The following AIG1 variants were observed in gnomAD, a reference collection of about 807,000 sequenced individuals.
The protein encoded by AIG1 is androgen induced 1.
A neutral mutation model predicts 31.4 loss-of-function variants in AIG1; 23 were observed. The observed-to-expected ratio is 0.73, with a 90% CI of 0.53 to 1.04. The LOEUF (loss-of-function observed/expected upper bound fraction) is 1.04. Among genes scored for constraint, AIG1 ranks in the 50% least tolerant of loss-of-function variants. The probability of loss-of-function intolerance (pLI) is 0.00; values close to 1 mark genes in which losing one functional copy is unlikely to be tolerated. For missense variants in AIG1, 274 were observed against 295.0 expected (o/e 0.93, Z 0.52); for synonymous variants, 100 against 110.5 (o/e 0.90, Z 0.60).
intron 1 of AIG1, among the ~76,000 whole-genome samples, chr6:143,120,555 C>T (rs1294563893): frequency 6.6e-6 from 1 of 152,112 alleles, no homozygotes; most frequent in African/African-American, 2.4e-5. Flanking sequence ...CATCCGATCT[C>T]ATGAGACTTA....
intron 3 of AIG1, among the ~76,000 whole-genome samples, chr6:143,175,564 CTGAAG>C (rs1313916992): frequency 6.6e-6 from 1 of 152,144 alleles, no homozygotes; most frequent in Non-Finnish European, 1.5e-5. Flanking sequence ...TCTTTGAGCT[CTGAAG>C]TTGTTTCTTC....
chr6:143,104,714 A>G (rs941124763), intron 1 of AIG1, among the ~76,000 whole-genome samples: 5 of 152,082 alleles, frequency 3.3e-5, no homozygotes, highest in Non-Finnish European at 7.4e-5. Flanking sequence ...TGCCTGAGCA[A>G]CACAGAAAGC....
chr6:143,178,683 C>T lies in AIG1; in HGVS notation c.399+13500C>T, dbSNP rs113840519. 1.4e-3 allele frequency among the ~76,000 whole-genome samples: 211 copies of T among 152,338 alleles called. 1 individual carries two copies. Among genetic ancestry groups the T allele is most frequent in the African/African-American group, 4.9e-3 (202 of 41,574 alleles). On this transcript the variant is annotated intron_variant, in intron 3 of 5. Coordinates refer to ENST00000357847, the MANE Select transcript of AIG1 (RefSeq NM_016108.4). ...TCTTTGCTGAATTCCAGTGTTCTCC[C>T]CTAGACTCTCTGTTCAACATGTGAC... is the stretch of plus-strand genomic sequence containing the variant.
At chr6:143,267,567 C>T (rs1484579068) in intron 3 of AIG1, among the ~76,000 whole-genome samples, 1 of 152,082 alleles carries the variant, frequency 6.6e-6, no homozygotes, top group Non-Finnish European at 1.5e-5. Flanking sequence ...TCATCTTTTT[C>T]CCCTTCATCC....
intron 1 of AIG1, among the ~76,000 whole-genome samples, chr6:143,103,410 A>G (rs373976943): frequency 1.3e-5 from 2 of 152,166 alleles, no homozygotes; most frequent in East Asian, 3.9e-4. Context: ...GCCCTGGGGA[A>G]GTCAATGGCT....
At chr6:143,190,369 C>A in intron 3 of AIG1, 1 of 985,454 alleles carries the variant, frequency 1.0e-6, no homozygotes, top group Non-Finnish European at 1.2e-6. Context: ...TCCCACTGAC[C>A]TCAGTGCTCA....
rs111966690 is a variant in AIG1 at position 143,242,395 on chromosome 6, C to G, written c.400-41715C>G. ...TAAAATAGCTATGCTTTTTGAAACT[C>G]TACTGTATGGCAGTTTTTATATGTA... On this transcript the variant is annotated intron_variant, in intron 3 of 5. Coordinates refer to ENST00000357847, the MANE Select transcript of AIG1 (RefSeq NM_016108.4). Among the ~76,000 whole-genome samples, 617 of 152,304 alleles carry G rather than the reference C, an allele frequency of 4.1e-3. 2 individuals are homozygous for G. Among genetic ancestry groups the G allele is most frequent in the African/African-American group, 0.014 (582 of 41,550 alleles).
intron 3 of AIG1, among the ~76,000 whole-genome samples, chr6:143,175,647 T>C (rs1788071688): frequency 6.6e-6 from 1 of 152,262 alleles, no homozygotes; most frequent in African/African-American, 2.4e-5. Context: ...GATTTCTTCA[T>C]TTCTAGAAGT....
chr6:143,076,192 A>G (rs189009185), intron 1 of AIG1, among the ~76,000 whole-genome samples: 2 of 152,270 alleles, frequency 1.3e-5, no homozygotes, highest in East Asian at 1.9e-4. Flanking sequence ...GGGTTTGTCT[A>G]TTTCCTAATT....
Position 143,331,849 on chromosome 6 carries a change from A to ATTG in AIG1, c.516-1431_516-1430insGTT, listed in dbSNP as rs773207880. Among the ~76,000 whole-genome samples, 8 of 77,718 alleles carry ATTG rather than the reference A, an allele frequency of 1.0e-4. No homozygotes were observed. Among genetic ancestry groups the ATTG allele is most frequent in the Non-Finnish European group, 2.2e-4 (8 of 36,356 alleles). 51.0% of individuals were successfully genotyped at this position (77,718 alleles called of 152,430 possible). A position where few individuals can be genotyped will look rare whatever the true frequency, so the allele number is the denominator to read the frequency against. ...TGAGGTACATGTGTAGGTAATGTTT[A>ATTG]TTATTATTATTATTATTATTATTAT... On this transcript the variant is annotated intron_variant, in intron 4 of 5. Transcript: ENST00000357847. The surrounding 1 kb of genome is among the most constrained non-coding windows in gnomAD (Gnocchi z 4.1).
At chr6:143,064,016 A>G (rs889421783) in intron 1 of AIG1, among the ~76,000 whole-genome samples, 5 of 152,242 alleles carry the variant, frequency 3.3e-5, no homozygotes, top group Non-Finnish European at 5.9e-5. Context: ...GAGAAACTGT[A>G]AGAGAACTAA....
chr6:143,179,650 C>CT (rs1192724152), intron 3 of AIG1, among the ~76,000 whole-genome samples: 1 of 151,982 alleles, frequency 6.6e-6, no homozygotes, highest in African/African-American at 2.4e-5. Flanking sequence ...TTTCTATTGT[C>CT]TACTTTTTTT....
intron 3 of AIG1, among the ~76,000 whole-genome samples, chr6:143,219,574 T>C (rs1371425444): frequency 1.3e-5 from 2 of 152,162 alleles, no homozygotes; most frequent in African/African-American, 4.8e-5. Context: ...ATGAAAAATA[T>C]AACAAAAGAA....
chr6:143,189,813 A>C, intron 3 of AIG1: 1 of 979,106 alleles, frequency 1.0e-6, no homozygotes, highest in Middle Eastern at 5.3e-4. Context: ...CGTAAATAAA[A>C]AAGAGATATA....
intron 3 of AIG1, chr6:143,187,464 T>C (rs959582185): frequency 2.2e-5 from 34 of 1,535,442 alleles, no homozygotes; most frequent in East Asian, 2.4e-5. Context: ...AGTTTGGCAC[T>C]CGACACTCTG....
chr6:143,324,519 C>T (rs1776454907), intron 4 of AIG1, among the ~76,000 whole-genome samples: 1 of 152,218 alleles, frequency 6.6e-6, no homozygotes, highest in Non-Finnish European at 1.5e-5. Context: ...ATCTAGCCTT[C>T]AGAGCAGTAC....
At chr6:143,245,879 T>C (rs1424710335) in intron 3 of AIG1, among the ~76,000 whole-genome samples, 1 of 152,160 alleles carries the variant, frequency 6.6e-6, no homozygotes, top group African/African-American at 2.4e-5. Flanking sequence ...GACATATGGG[T>C]GTGTGTTCAG....
intron 3 of AIG1, among the ~76,000 whole-genome samples, chr6:143,216,224 A>G (rs1792017708): frequency 6.6e-6 from 1 of 152,238 alleles, no homozygotes; most frequent in Non-Finnish European, 1.5e-5. Context: ...ATTTTATTAT[A>G]CAAAGTTCTG....
At chr6:143,251,649 C>T (rs73781130) in intron 3 of AIG1, among the ~76,000 whole-genome samples, 4,714 of 152,206 alleles carry the variant, frequency 0.031, 253 homozygotes, top group African/African-American at 0.1. Context: ...AATTCACTGG[C>T]CTGCTGTTTT....
Sources: gnomAD v4.1 joint callset for allele counts (sites outside exome capture counted in the v4.1 genomes callset) on GRCh38, gnomAD v4.1.1 for gene constraint, Gnocchi (gnomAD v3.1) non-coding constraint, MANE v1.5 for transcripts, NCBI Gene and HGNC (gene_info 2026-07-23, HGNC 2026-07-21) for gene names.